The following TBX20 variants were observed in gnomAD, a reference collection of about 807,000 sequenced individuals.
TBX20 encodes the protein T-box transcription factor TBX20.
A neutral mutation model predicts 42.9 loss-of-function variants in TBX20; 8 were observed. The ratio of observed to expected loss-of-function variants is 0.19; its 90% CI spans 0.11 to 0.34. TBX20 has a LOEUF of 0.34. TBX20 is among the 10% of genes least tolerant of loss of function. The probability of loss-of-function intolerance (pLI) is 1.00; values close to 1 mark genes in which losing one functional copy is unlikely to be tolerated. For synonymous variants in TBX20, 198 were observed against 222.8 expected (o/e 0.89, Z 0.99); for missense variants, 411 against 566.0 (o/e 0.73, Z 2.78).
intron 3 of TBX20, among the ~76,000 whole-genome samples, chr7:35,247,544 T>C (rs1790217622): frequency 1.3e-5 from 2 of 152,160 alleles, no homozygotes; most frequent in Non-Finnish European, 2.9e-5. Flanking sequence ...AACTCAATAA[T>C]ATAATAAACT....
intron 6 of TBX20, among the ~76,000 whole-genome samples, chr7:35,211,938 T>C (rs1192822012): frequency 1.3e-5 from 2 of 152,160 alleles, no homozygotes; most frequent in Admixed American, 6.5e-5. Flanking sequence ...CTTGGGTTTG[T>C]TGGGCTTCTT....
chr7:35,211,605 T>C (rs1789496992), intron 6 of TBX20, among the ~76,000 whole-genome samples: 1 of 152,196 alleles, frequency 6.6e-6, no homozygotes. Context: ...GCAAAAGCAG[T>C]AGGCATTCAA....
intron 6 of TBX20, among the ~76,000 whole-genome samples, chr7:35,224,429 T>G (rs1477562243): frequency 6.6e-6 from 1 of 152,072 alleles, no homozygotes; most frequent in African/African-American, 2.4e-5. Flanking sequence ...TCCCAGCACT[T>G]TGGGAGGCCG....
At chr7:35,241,276 C>T (rs1354442465) in intron 4 of TBX20, among the ~76,000 whole-genome samples, 1 of 152,176 alleles carries the variant, frequency 6.6e-6, no homozygotes, top group Non-Finnish European at 1.5e-5. Context: ...AGTGTCCTTT[C>T]TAAAATGGTA....
intron 6 of TBX20, among the ~76,000 whole-genome samples, chr7:35,211,199 CATTTT>C (rs1562557527): frequency 6.6e-6 from 1 of 151,960 alleles, no homozygotes; most frequent in Non-Finnish European, 1.5e-5. Context: ...TCTTGTCAAA[CATTTT>C]ATTTTTATAT....
At chr7:35,205,305 A>C (rs1311060682) in intron 6 of TBX20, among the ~76,000 whole-genome samples, 1 of 152,078 alleles carries the variant, frequency 6.6e-6, no homozygotes, top group African/African-American at 2.4e-5. Flanking sequence ...GGTTAACTTT[A>C]AAAAATAAAA....
Position 35,253,667 on chromosome 7 carries a change from C to T in TBX20, c.-47G>A, listed in dbSNP as rs1309421727. ...GCCAGGGACGGGGTCGTCCGAACTG[C>T]CGTCCAGATTCCCCAAGGGAGACAA... On this transcript the variant is annotated 5_prime_UTR_variant, in exon 1 of 8. Transcript: ENST00000408931. 6.3e-7 allele frequency: 1 copy of T among 1,597,482 alleles called. No individual in the cohort carries two copies. The highest frequency in any genetic ancestry group is 8.5e-7 in the Non-Finnish European group (1 of 1,173,660).
intron 6 of TBX20, among the ~76,000 whole-genome samples, chr7:35,224,131 C>G (rs1199081623): frequency 6.6e-6 from 1 of 152,006 alleles, no homozygotes. Context: ...AATACTGCAC[C>G]CAGGTGAATT....
At chr7:35,213,747 C>T (rs1343796344) in intron 6 of TBX20, among the ~76,000 whole-genome samples, 1 of 151,862 alleles carries the variant, frequency 6.6e-6, no homozygotes, top group African/African-American at 2.4e-5. Context: ...TTTTCACATT[C>T]TGACTTTGTT....
intron 5 of TBX20, among the ~76,000 whole-genome samples, chr7:35,240,583 G>A (rs943099715): frequency 4.6e-5 from 7 of 152,170 alleles, no homozygotes; most frequent in African/African-American, 1.7e-4. Flanking sequence ...ACCAGGAGGA[G>A]GAAAAGGAGG....
At chr7:35,245,569 A>G (rs1790167922) in intron 3 of TBX20, among the ~76,000 whole-genome samples, 1 of 152,262 alleles carries the variant, frequency 6.6e-6, no homozygotes, top group East Asian at 1.9e-4. Flanking sequence ...TTCTTTGTAA[A>G]TATAAGATGG....
chr7:35,218,077 A>T (rs1389506141), intron 6 of TBX20, among the ~76,000 whole-genome samples: 1 of 152,188 alleles, frequency 6.6e-6, no homozygotes, highest in Non-Finnish European at 1.5e-5. Flanking sequence ...ATGCATGCAG[A>T]CTTTTATACT....
intron 5 of TBX20, among the ~76,000 whole-genome samples, chr7:35,233,582 G>A (rs1319101663): frequency 2.0e-5 from 3 of 152,174 alleles, no homozygotes; most frequent in East Asian, 1.9e-4. Context: ...CACTTATTCC[G>A]ACTAGGACTT....
chr7:35,240,852 G>A, intron 5 of TBX20, 27 bp downstream of exon 5: 2 of 1,607,254 alleles, frequency 1.2e-6, no homozygotes, highest in Non-Finnish European at 1.7e-6. Flanking sequence ...TCTTATGCAG[G>A]AACTAAATTG....
chr7:35,226,049 T>G (rs1789763894), intron 6 of TBX20, among the ~76,000 whole-genome samples: 1 of 152,134 alleles, frequency 6.6e-6, no homozygotes, highest in African/African-American at 2.4e-5. Context: ...TACATATTAA[T>G]AGTATTCAGG....
chr7:35,253,687 A>T lies in TBX20; in HGVS notation c.-67T>A. ...AACTGCCGTCCAGATTCCCCAAGGGAGACAAAGACCCGAAACACAGCTCAA... is the reference window on the plus strand; with the variant it reads ...AACTGCCGTCCAGATTCCCCAAGGGTGACAAAGACCCGAAACACAGCTCAA... On this transcript the variant is annotated 5_prime_UTR_variant, in exon 1 of 8. Coordinates refer to ENST00000408931, the MANE Select transcript of TBX20 (RefSeq NM_001077653.2). The T allele has an allele frequency of 6.3e-7, 1 of 1,578,150 alleles. No individual in the cohort carries two copies. The highest frequency in any genetic ancestry group is 8.6e-7 in the Non-Finnish European group (1 of 1,165,614).
intron 6 of TBX20, among the ~76,000 whole-genome samples, chr7:35,213,988 T>C (rs1200648022): frequency 6.6e-6 from 1 of 150,680 alleles, no homozygotes; most frequent in African/African-American, 2.4e-5. Flanking sequence ...ACATGTAGTA[T>C]GTTAGATGTT....
At chr7:35,235,595 CT>C (rs1273939761) in intron 5 of TBX20, among the ~76,000 whole-genome samples, 6 of 152,196 alleles carry the variant, frequency 3.9e-5, no homozygotes, top group African/African-American at 1.4e-4. Context: ...GTAGTATGTG[CT>C]TAAGAAATGC....
chr7:35,226,306 CT>C (rs1240294320), intron 6 of TBX20, among the ~76,000 whole-genome samples: 4 of 150,536 alleles, frequency 2.7e-5, no homozygotes, highest in Non-Finnish European at 4.4e-5. Flanking sequence ...AATTTTCAAA[CT>C]GGTAAAATGA....
Sources: gnomAD v4.1 joint callset for allele counts (sites outside exome capture counted in the v4.1 genomes callset) on GRCh38, gnomAD v4.1.1 for gene constraint, MANE v1.5 for transcripts, NCBI Gene and HGNC (gene_info 2026-07-23, HGNC 2026-07-21) for gene names.